SPMIP4: variants seen among roughly 807,000 people sequenced by gnomAD.
SPMIP4 encodes the protein sperm-associated microtubule inner protein 4.
the SPMIP4 span, among the ~76,000 whole-genome samples, chr7:25,174,356 C>T: frequency 1.3e-5 from 2 of 151,988 alleles, no homozygotes; most frequent in Admixed American, 6.6e-5. The surrounding 1 kb of genome is among the most constrained non-coding windows in gnomAD (Gnocchi z 4.5). Flanking sequence ...GAATAATTAT[C>T]AAATTATTGG....
chr7:25,127,282 ATC>A, the SPMIP4 span, among the ~76,000 whole-genome samples: 2 of 152,036 alleles, frequency 1.3e-5, no homozygotes, highest in African/African-American at 4.8e-5. Flanking sequence ...TTCTACCCTG[ATC>A]TCTCTCTCTA....
chr7:25,131,875 G>A, the SPMIP4 span, among the ~76,000 whole-genome samples: 3 of 152,192 alleles, frequency 2.0e-5, no homozygotes, highest in African/African-American at 7.2e-5. The surrounding 1 kb of genome is among the most constrained non-coding windows in gnomAD (Gnocchi z 4.2). Flanking sequence ...GTGGCAATGG[G>A]CACCTCGCTG....
chr7:25,174,652 A>G, the SPMIP4 span, among the ~76,000 whole-genome samples: 3 of 152,350 alleles, frequency 2.0e-5, no homozygotes, highest in Non-Finnish European at 4.4e-5. The surrounding 1 kb of genome is among the most constrained non-coding windows in gnomAD (Gnocchi z 4.5). Flanking sequence ...TGATAATGAA[A>G]TTCTATAATG....
the SPMIP4 span, among the ~76,000 whole-genome samples, chr7:25,164,504 C>G: frequency 0.018 from 2,781 of 152,190 alleles, 51 homozygotes; most frequent in Admixed American, 0.026. Context: ...CCACTAAGAG[C>G]TAAGATCTCT....
chr7:25,151,609 C>T, the SPMIP4 span: 2 of 1,602,248 alleles, frequency 1.2e-6, no homozygotes, highest in Non-Finnish European at 1.7e-6. Context: ...ATAATATACA[C>T]CTTGACCTGG....
At chr7:25,128,457 A>G in the SPMIP4 span, among the ~76,000 whole-genome samples, 3 of 152,178 alleles carry the variant, frequency 2.0e-5, no homozygotes, top group Admixed American at 6.5e-5. This position sits in a 1 kb window ranked among gnomAD's most constrained non-coding sequence, Gnocchi z 4.5. Flanking sequence ...TCAAGCATCA[A>G]AGTCCTTCCC....
chr7:25,172,155 A>G, the SPMIP4 span, among the ~76,000 whole-genome samples: 2 of 152,064 alleles, frequency 1.3e-5, no homozygotes, highest in Non-Finnish European at 2.9e-5. The surrounding 1 kb of genome is among the most constrained non-coding windows in gnomAD (Gnocchi z 4.2). Flanking sequence ...TCTCTTAGGG[A>G]AGAATTACTT....
At chr7:25,172,256 A>C in the SPMIP4 span, among the ~76,000 whole-genome samples, 9 of 152,302 alleles carry the variant, frequency 5.9e-5, no homozygotes, top group African/African-American at 1.9e-4. The surrounding 1 kb of genome is among the most constrained non-coding windows in gnomAD (Gnocchi z 4.2). Context: ...GCTCAGACTG[A>C]TTAAACTGCT....
chr7:25,167,486 A>G, the SPMIP4 span, among the ~76,000 whole-genome samples: 1 of 152,292 alleles, frequency 6.6e-6, no homozygotes. Context: ...TGATGTCTGA[A>G]TCTTTCTAAT....
chr7:25,129,487 T>C, the SPMIP4 span, among the ~76,000 whole-genome samples: 1 of 152,186 alleles, frequency 6.6e-6, no homozygotes, highest in Non-Finnish European at 1.5e-5. Context: ...CTCTATGCCA[T>C]GTGGCCACTG....
chr7:25,142,076 A>G, the SPMIP4 span, among the ~76,000 whole-genome samples: 2 of 152,208 alleles, frequency 1.3e-5, no homozygotes, highest in African/African-American at 4.8e-5. Context: ...ACAGCAGACA[A>G]AGTATTCAAA....
the SPMIP4 span, among the ~76,000 whole-genome samples, chr7:25,165,725 C>G: frequency 6.6e-6 from 1 of 152,230 alleles, no homozygotes; most frequent in South Asian, 2.1e-4. Flanking sequence ...TGTTAAAATG[C>G]AGATTCTGTT....
At chr7:25,129,604 C>T in the SPMIP4 span, among the ~76,000 whole-genome samples, 1 of 152,054 alleles carries the variant, frequency 6.6e-6, no homozygotes, top group African/African-American at 2.4e-5. Flanking sequence ...TGTGATTGCT[C>T]ACATGATTTT....
the SPMIP4 span, among the ~76,000 whole-genome samples, chr7:25,134,269 CA>C: frequency 8.3e-6 from 1 of 120,980 alleles, no homozygotes; most frequent in African/African-American, 3.0e-5. Flanking sequence ...TAAACAAAAA[CA>C]AAAACAAAAA....
the SPMIP4 span, among the ~76,000 whole-genome samples, chr7:25,171,568 A>G: frequency 6.6e-6 from 1 of 152,178 alleles, no homozygotes; most frequent in Non-Finnish European, 1.5e-5. Flanking sequence ...GAAAACAACT[A>G]AAAATACTGG....
the SPMIP4 span, among the ~76,000 whole-genome samples, chr7:25,141,118 T>C: frequency 6.6e-6 from 1 of 152,218 alleles, no homozygotes. Flanking sequence ...AGGGCTTGAT[T>C]ATTTCTTCCA....
At chr7:25,141,988 G>A in the SPMIP4 span, among the ~76,000 whole-genome samples, 1 of 152,106 alleles carries the variant, frequency 6.6e-6, no homozygotes, top group Non-Finnish European at 1.5e-5. Flanking sequence ...TGTCCGCCTC[G>A]GCCTCCCAGA....
At chr7:25,175,230 A>G in the SPMIP4 span, among the ~76,000 whole-genome samples, 7 of 152,110 alleles carry the variant, frequency 4.6e-5, no homozygotes, top group Non-Finnish European at 1.0e-4. Flanking sequence ...CAGGGGAGCT[A>G]GGCCGTGTCA....
At chr7:25,147,154 C>T in the SPMIP4 span, among the ~76,000 whole-genome samples, 1 of 152,164 alleles carries the variant, frequency 6.6e-6, no homozygotes, top group East Asian at 1.9e-4. Flanking sequence ...ATTAGCTGGG[C>T]ATAGTGGCGC....
Sources: allele counts gnomAD v4.1 joint callset (sites outside exome capture counted in the v4.1 genomes callset), GRCh38; gene constraint gnomAD v4.1.1; non-coding constraint Gnocchi (gnomAD v3.1); transcripts MANE v1.5; gene names NCBI Gene and HGNC (gene_info 2026-07-23, HGNC 2026-07-21).